Variants in PLIN4 observed in about 807,000 individuals in gnomAD.
The protein encoded by PLIN4 is perilipin 4, also known as perilipin-4.
Under a neutral mutation model 52.4 loss-of-function variants are expected in PLIN4, and 57 were observed. The observed-to-expected ratio is 1.09, with a 90% CI of 0.88 to 1.36. The LOEUF is 1.36. Ranked by LOEUF, PLIN4 falls within the 40% of genes most tolerant of loss-of-function variation. The probability of loss-of-function intolerance (pLI) is 0.00; values close to 1 mark genes in which losing one functional copy is unlikely to be tolerated. For synonymous variants in PLIN4, 826 were observed against 785.4 expected (o/e 1.05, Z -0.86); for missense variants, 1,757 against 1,770.3 (o/e 0.99, Z 0.13).
In PLIN4 at chr19:4,512,406, C is replaced by G. The variant is rs1193768551; in HGVS notation, c.1554G>C (p.Gln518His). Residue 518 changes from glutamine (Q) to histidine (H), a missense_variant, in exon 5 of 8, where the codon CAG (glutamine) becomes CAC (histidine). Coordinates refer to ENST00000301286, the MANE Select transcript of PLIN4 (RefSeq NM_001367868.2). ...GAVNVAKGTV[Q>H]TGVDTTKTVL... ...CAGTCTTGGTGGTGTCTACGCCGGT[C>G]TGGACGGTCCCTTTGGCCACGTTCA... 1.9e-6 allele frequency: 3 copies of G among 1,608,880 alleles called. No homozygotes were observed. In the South Asian group the frequency reaches 3.3e-5, roughly 18 times the overall value.
At chr19:4,505,155 C>T (rs1001388781) in intron 6 of PLIN4, among the ~76,000 whole-genome samples, 5 of 152,272 alleles carry the variant, frequency 3.3e-5, no homozygotes, top group Non-Finnish European at 4.4e-5. Context: ...AGGGAGTGCA[C>T]GTAACACAGT....
chr19:4,505,036 A>G, intron 6 of PLIN4, 89 bp from the exon 7 acceptor site: 1 of 1,237,804 alleles, frequency 8.1e-7, no homozygotes, highest in Non-Finnish European at 1.1e-6. Context: ...GGACCTGGGC[A>G]CATTCACAGT....
rs1013967727 is a variant in PLIN4 at position 4,516,681 on chromosome 19, G to C, written c.197-3C>G. 1 of 1,592,824 alleles carries C rather than the reference G, an allele frequency of 6.3e-7. No homozygotes were observed. Among genetic ancestry groups the C allele is most frequent in the African/African-American group, 1.3e-5 (1 of 74,426 alleles). On this transcript the variant is annotated splice_region_variant and splice_polypyrimidine_tract_variant and intron_variant, in intron 3 of 7. Coordinates refer to ENST00000301286, the MANE Select transcript of PLIN4 (RefSeq NM_001367868.2). ...CGTCTGCTCTGGGTGGGCAGCCACT[G>C]TGGGGACAGGGGCCGGTCAGGGAGA...
rs1976341258 is a variant in PLIN4, at chr19:4,511,504, T to C, written c.2456A>G (p.Asp819Gly). 6.6e-7 allele frequency: 1 copy of C among 1,525,190 alleles called. No homozygotes were observed. Among genetic ancestry groups the C allele is most frequent in the Non-Finnish European group, 8.9e-7 (1 of 1,125,286 alleles). 94.5% of individuals were successfully genotyped at this position (1,525,190 alleles called of 1,614,324 possible). Residue 819 changes from aspartate to glycine, a missense_variant, in exon 5 of 8, where the codon GAC becomes GGC. Asp to Gly is a moderately conservative substitution (Grantham distance 94). Transcript: ENST00000301286. ...VAKGAVQMGVDTAKTVLTGTK... is the reference protein window; with the variant it reads ...VAKGAVQMGVGTAKTVLTGTK... ...ACCGGTCAGCACGGTCTTGGCCGTG[T>C]CTACACCCATCTGGACGGCCCCCTT...
chr19:4,512,695 A>G lies in PLIN4; in HGVS notation c.1265T>C (p.Leu422Pro). The change falls in exon 5 of 8, where the codon CTG becomes CCG. Residue 422 changes from leucine to proline, a missense_variant. Physicochemically the swap from Leu to Pro is moderately conservative, Grantham distance 98. Coordinates refer to ENST00000301286, the MANE Select transcript of PLIN4 (RefSeq NM_001367868.2). ...TGTTGCGATATTTTGGGTTGTGTTC[A>G]GCCCAGTTTGCATGGCCCCCTTGGC... ...NVAKGAMQTGLNTTQNIATGT... is the reference protein window; with the variant it reads ...NVAKGAMQTGPNTTQNIATGT... 6.4e-7 allele frequency: 1 copy of G among 1,554,338 alleles called. No homozygotes were observed. The highest frequency in any genetic ancestry group is 8.6e-7 in the Non-Finnish European group (1 of 1,156,988).
intron 4 of PLIN4, among the ~76,000 whole-genome samples, chr19:4,515,924 T>C (rs1474108474): frequency 6.6e-6 from 1 of 152,222 alleles, no homozygotes; most frequent in Non-Finnish European, 1.5e-5. Flanking sequence ...TGTGTGGCCT[T>C]AGGCAAGCCA....
In PLIN4 at chr19:4,503,579, A is replaced by C. The variant is rs1975994011; in HGVS notation, c.*880T>G. The C allele has an allele frequency of 6.6e-6, 1 of 152,320 alleles. No homozygotes were observed. Among genetic ancestry groups the C allele is most frequent in the African/African-American group, 2.4e-5 (1 of 41,442 alleles). The allele number at this position is 152,320 out of a possible 1,614,324, so 9.4% of individuals were successfully genotyped here. ...GTTCCCAGCCCTGTCTGATCCCTCC[A>C]TAGGGCACAGTTCCCTGCGGGGAAG... is the stretch of plus-strand genomic sequence containing the variant. On this transcript the variant is annotated 3_prime_UTR_variant, in exon 8 of 8. Transcript: ENST00000301286.
rs1238467245 is a variant in PLIN4, at chr19:4,510,894, C to T, written c.3066G>A (p.Val1022=). Residue 1022 remains valine (V), a synonymous_variant, in exon 5 of 8, where the codon GTG becomes GTA. Transcript: ENST00000301286. ...ACACTGCGTCTTTGGTTCCGGTCAG[C>T]ACTGTCTTGGTGGTGTCCAGGCCCC... ...VQGGLDTTKT[V]LTGTKDAVSA... is the part of the protein sequence containing the mutation. The T allele has an allele frequency of 6.2e-7, 1 of 1,613,674 alleles. No homozygotes were observed. The highest frequency in any genetic ancestry group is 8.5e-7 in the Non-Finnish European group (1 of 1,179,876).
chr19:4,512,323 G>A lies in PLIN4; in HGVS notation c.1637C>T (p.Ala546Val), dbSNP rs376227043. 10 of 1,611,556 alleles carry A rather than the reference G, an allele frequency of 6.2e-6. No homozygotes were observed. The highest frequency in any genetic ancestry group is 7.6e-6 in the Non-Finnish European group (9 of 1,179,548). ...CSGVTSAVNV[A>V]KGAVQGGLDT... is the part of the protein sequence containing the mutation. ...CAGGCCCCCCTGGACGGCCCCTTTG[G>A]CCACGTTCACAGCACTGGTCACCCC... Residue 546 changes from alanine to valine, a missense_variant, in exon 5 of 8, where the codon GCC becomes GTC. Transcript: ENST00000301286.
rs573575923 is a variant in PLIN4 at position 4,510,340 on chromosome 19, T to C, written c.3514+106A>G. ...GAGATCACGCCACTGCACTCCAGCCTGGGCAACAGAGCACGACTCTGTCTC... is the reference window on the plus strand; with the variant it reads ...GAGATCACGCCACTGCACTCCAGCCCGGGCAACAGAGCACGACTCTGTCTC... On this transcript the variant is annotated intron_variant, in intron 5 of 7. Transcript: ENST00000301286. 18 of 1,211,042 alleles carry C rather than the reference T, an allele frequency of 1.5e-5. No homozygotes were observed. In the South Asian group the frequency reaches 6.4e-4, roughly 43 times the overall value. The allele number at this position is 1,211,042 out of a possible 1,614,324, so 75.0% of individuals were successfully genotyped here. A position where few individuals can be genotyped will look rare whatever the true frequency, so the allele number is the denominator to read the frequency against.
chr19:4,504,966 G>A lies in PLIN4; in HGVS notation c.3703-19C>T, dbSNP rs1976048577. On this transcript the variant is annotated intron_variant, in intron 6 of 7. Transcript: ENST00000301286. The stretch of plus-strand genomic sequence containing the variant: ...TTTCAATCTGGAGAGAGAGTACAGT[G>A]GGGAAATGATGGCTTCTTGGCAAAT... 6.3e-7 allele frequency: 1 copy of A among 1,586,370 alleles called. No homozygotes were observed. The highest frequency in any genetic ancestry group is 8.6e-7 in the Non-Finnish European group (1 of 1,167,758).
rs763801844 is a variant in PLIN4, at chr19:4,511,616, G to T, written c.2344C>A (p.Gln782Lys). Residue 782 changes from glutamine (Q) to lysine (K), a missense_variant, in exon 5 of 8, where the codon CAG becomes AAG. Transcript: ENST00000301286. ...GTCTTGGTGGTGTCCATGCCGGTCT[G>T]GACAGTCCCTTTGGCCAACTTCACA... Reference protein sequence around the residue: ...GAVKLAKGTVQTGMDTTKTVL... With the variant: ...GAVKLAKGTVKTGMDTTKTVL... 8.5e-7 allele frequency: 1 copy of T among 1,179,690 alleles called. No individual in the cohort carries two copies. Among genetic ancestry groups the T allele is most frequent in the South Asian group, 1.5e-5 (1 of 67,150 alleles). The allele number at this position is 1,179,690 out of a possible 1,614,324, so 73.1% of individuals were successfully genotyped here. A position where few individuals can be genotyped will look rare whatever the true frequency, so the allele number is the denominator to read the frequency against.
At chr19:4,505,080 G>T in intron 6 of PLIN4, 133 bp from the exon 7 acceptor site, 2 of 789,256 alleles carry the variant, frequency 2.5e-6, no homozygotes, top group Non-Finnish European at 4.1e-6. Flanking sequence ...CAAGTCAGTT[G>T]TACCACAGTG....
intron 5 of PLIN4, among the ~76,000 whole-genome samples, 199 bp from the exon 6 acceptor site, chr19:4,509,154 A>G (rs1976198958): frequency 1.3e-5 from 2 of 151,410 alleles, no homozygotes; most frequent in South Asian, 4.2e-4. Context: ...CTAAAAAAAT[A>G]CAAAAAATTA....
Position 4,511,344 on chromosome 19 carries a change from A to G in PLIN4, c.2616T>C (p.Ala872=), listed in dbSNP as rs1568230488. ...GGACGGCCCCTTTGGCCACTTTCGC[A>G]GCACCGGTCACCCCACTGCCAAGGG... ...KNTLGSGVTG[A]AKVAKGAVQG... The change falls in exon 5 of 8, where the codon GCT becomes GCC. Residue 872 remains alanine, a synonymous_variant. Coordinates refer to ENST00000301286, the MANE Select transcript of PLIN4 (RefSeq NM_001367868.2). 56 of 1,593,964 alleles carry G rather than the reference A, an allele frequency of 3.5e-5. 1 individual carries two copies. The highest frequency in any genetic ancestry group is 4.8e-5 in the Non-Finnish European group (56 of 1,168,032).
At position 4,509,355 on chromosome 19, in the gene PLIN4, G is replaced by A. The variant is rs930674360; in HGVS notation, c.3515-400C>T. On this transcript the variant is annotated intron_variant, in intron 5 of 7. Transcript: ENST00000301286. Reference sequence around the variant, plus strand: ...AGTGAGGCCAGGCGCGGTGGCTCACGCCCGTAATCACAGCACATTGGGAGG... The same window carrying A: ...AGTGAGGCCAGGCGCGGTGGCTCACACCCGTAATCACAGCACATTGGGAGG... 1.1e-4 allele frequency among the ~76,000 whole-genome samples: 16 copies of A among 140,680 alleles called. No individual in the cohort carries two copies. The South Asian group carries it at 1.9e-3, about 16-fold the overall frequency. The allele number at this position is 140,680 out of a possible 152,430, so 92.3% of individuals were successfully genotyped here.
At chr19:4,509,414 C>G (rs563224703) in intron 5 of PLIN4, among the ~76,000 whole-genome samples, 1 of 150,310 alleles carries the variant, frequency 6.7e-6, no homozygotes, top group African/African-American at 2.4e-5. Flanking sequence ...ATCAGGAGCT[C>G]GAGACCAGCC....
chr19:4,513,750 C>T (rs1385733763), intron 4 of PLIN4, 49 bp from the exon 5 acceptor site: 2 of 1,519,218 alleles, frequency 1.3e-6, no homozygotes, highest in African/African-American at 2.8e-5. Flanking sequence ...GAGAGGTGTA[C>T]TCCACCCCGA....
Position 4,504,068 on chromosome 19 carries a change from G to C in PLIN4, c.*391C>G, listed in dbSNP as rs2145239212. The C allele has an allele frequency of 5.6e-6, 1 of 179,092 alleles. No homozygotes were observed. Among genetic ancestry groups the C allele is most frequent in the East Asian group, 1.5e-4 (1 of 6,592 alleles). 11.1% of individuals were successfully genotyped at this position (179,092 alleles called of 1,614,324 possible). Reference sequence around the variant, plus strand: ...GGGCCCGTGCTGCAGGACTGGAAGAGCCCTGCTAGATATAAAAGGGTTGCT... The same window carrying C: ...GGGCCCGTGCTGCAGGACTGGAAGACCCCTGCTAGATATAAAAGGGTTGCT... On this transcript the variant is annotated 3_prime_UTR_variant, in exon 8 of 8. Transcript: ENST00000301286.
Sources: allele counts gnomAD v4.1 joint callset (sites outside exome capture counted in the v4.1 genomes callset), GRCh38; gene constraint gnomAD v4.1.1; transcripts MANE v1.5; gene names NCBI Gene and HGNC (gene_info 2026-07-23, HGNC 2026-07-21).